MRAP: variants seen among roughly 807,000 people sequenced by gnomAD.
MRAP encodes the protein melanocortin-2 receptor accessory protein.
In MRAP, 8 loss-of-function variants were observed where a neutral mutation model predicts 8.7. The observed-to-expected ratio is 0.92, with a 90% CI of 0.54 to 1.66. MRAP has a LOEUF of 1.66. MRAP is among the 40% of genes most tolerant of loss of function. The pLI is 0.00. For synonymous variants in MRAP, 95 were observed against 95.5 expected, an observed-to-expected ratio of 1.00 and a Z score of 0.03; for missense variants, 237 against 217.1, an observed-to-expected ratio of 1.09 and a Z score of -0.58.
downstream of MRAP, chr21:32,312,333 T>C (rs775728860): frequency 8.9e-6 from 11 of 1,239,080 alleles, no homozygotes; most frequent in Non-Finnish European, 1.1e-5. Flanking sequence ...TTACCATTAC[T>C]GTGTAATGCG....
chr21:32,303,737 G>A (rs2032339493), intron 1 of MRAP, among the ~76,000 whole-genome samples: 1 of 152,242 alleles, frequency 6.6e-6, no homozygotes, highest in African/African-American at 2.4e-5. Context: ...TTCTGACACT[G>A]GAGAGTCACA....
chr21:32,302,944 T>C (rs1161661772), intron 1 of MRAP, among the ~76,000 whole-genome samples: 1 of 151,184 alleles, frequency 6.6e-6, no homozygotes, highest in Non-Finnish European at 1.5e-5. Flanking sequence ...AGGGCTGACC[T>C]TAGAGTTGAC....
At position 32,306,731 on chromosome 21, in the gene MRAP, G is replaced by C; in HGVS notation, c.198G>C (p.Pro66=). The C allele has an allele frequency of 6.2e-7, 1 of 1,613,824 alleles. No homozygotes were observed. The highest frequency in any genetic ancestry group is 8.5e-7 in the Non-Finnish European group (1 of 1,179,740). ...TCTACATGTCCTGGTCCGCCTCCCC[G>C]CAGATGAGGTGGGTAAGAAGGGGTG... ...ILLYMSWSAS[P]QMRNSPKHHQ... Residue 66 remains proline, a synonymous_variant, in exon 2 of 3, where the codon CCG becomes CCC. Transcript: ENST00000303645.
At chr21:32,314,264 AG>A (rs2032642020), downstream of MRAP, 1 of 371,636 alleles carries the variant, frequency 2.7e-6, no homozygotes, top group Admixed American at 3.8e-5. Context: ...AGCTCACTGT[AG>A]CCTCCACCTC....
chr21:32,303,070 C>T (rs1191200367), intron 1 of MRAP, among the ~76,000 whole-genome samples: 1 of 151,186 alleles, frequency 6.6e-6, no homozygotes, highest in East Asian at 1.9e-4. Context: ...ACCTCTGCCT[C>T]CCAAGTTCAA....
At chr21:32,306,476 G>A (rs1432426857) in intron 1 of MRAP, 164 bp from the exon 2 acceptor site, 6 of 691,394 alleles carry the variant, frequency 8.7e-6, no homozygotes. Context: ...CTTTCCCAAA[G>A]TTATTGTTAA....
intron 1 of MRAP, among the ~76,000 whole-genome samples, chr21:32,306,084 C>A (rs748975070): frequency 2.0e-5 from 3 of 152,174 alleles, no homozygotes; most frequent in Non-Finnish European, 4.4e-5. Context: ...TCCACCTTGC[C>A]GATCCAGGCA....
At chr21:32,307,926 CTA>C (rs2032459419) in intron 2 of MRAP, among the ~76,000 whole-genome samples, 1 of 152,152 alleles carries the variant, frequency 6.6e-6, no homozygotes, top group South Asian at 2.1e-4. Context: ...TTGCACAACT[CTA>C]TGGATGTACT....
intron 2 of MRAP, 136 bp downstream of exon 2, chr21:32,306,875 G>GT (rs1396117913): frequency 1.6e-5 from 12 of 757,484 alleles, no homozygotes; most frequent in Non-Finnish European, 2.8e-5. Flanking sequence ...TATTTGCATT[G>GT]TACCTACCAG....
chr21:32,298,911 C>G lies in MRAP; in HGVS notation c.-61C>G. On this transcript the variant is annotated 5_prime_UTR_variant, in exon 1 of 3. Coordinates refer to ENST00000303645, the MANE Select transcript of MRAP (RefSeq NM_001379228.1). Reference sequence around the variant, plus strand: ...CAGTGAGGCAGTCTCCTCCCAGGGGCTTGGCGCCTGGCTCGAGGCGAGGCT... The same window carrying G: ...CAGTGAGGCAGTCTCCTCCCAGGGGGTTGGCGCCTGGCTCGAGGCGAGGCT... 1 of 1,221,488 alleles carries G rather than the reference C, an allele frequency of 8.2e-7. No individual in the cohort carries two copies. The allele number at this position is 1,221,488 out of a possible 1,614,324, so 75.7% of individuals were successfully genotyped here. A position where few individuals can be genotyped will look rare whatever the true frequency, so the allele number is the denominator to read the frequency against.
chr21:32,308,716 G>A (rs970781489), intron 2 of MRAP: 1 of 152,942 alleles, frequency 6.5e-6, no homozygotes, highest in Admixed American at 6.5e-5. Flanking sequence ...CCTGGCAAAA[G>A]AGCTGGGACT....
At chr21:32,307,382 G>A (rs1000499054) in intron 2 of MRAP, among the ~76,000 whole-genome samples, 1 of 152,090 alleles carries the variant, frequency 6.6e-6, no homozygotes, top group Non-Finnish European at 1.5e-5. Flanking sequence ...CAAGTTACCA[G>A]CCTAGCCAAC....
At chr21:32,301,072 T>TATATATCATGATATATCGTATATGATATC (rs2032287760) in intron 1 of MRAP, among the ~76,000 whole-genome samples, 1 of 151,660 alleles carries the variant, frequency 6.6e-6, no homozygotes, top group African/African-American at 2.4e-5. Flanking sequence ...CATATATCCA[T>TATATATCATGATATATCGTATATGATATC]ATATATCATG....
At position 32,306,341 on chromosome 21, in the gene MRAP, G is replaced by A. The variant is rs80058147; in HGVS notation, c.107-299G>A. ...GTTCCTCTGAGCACCACTAGGAGCC[G>A]GGCAAGCAGATGCATGGGGTGGGGG... On this transcript the variant is annotated intron_variant, in intron 1 of 2. Transcript: ENST00000303645. 1,735 of 411,390 alleles carry A rather than the reference G, an allele frequency of 4.2e-3. 20 individuals are homozygous for A. The highest frequency in any genetic ancestry group is 0.03 in the African/African-American group (1,457 of 48,780). The allele number at this position is 411,390 out of a possible 1,614,324, so 25.5% of individuals were successfully genotyped here. A position where few individuals can be genotyped will look rare whatever the true frequency, so the allele number is the denominator to read the frequency against.
intron 1 of MRAP, among the ~76,000 whole-genome samples, chr21:32,300,763 A>AGGGGCGTCATGCGTCCTATGTC (rs2032265662): frequency 7.1e-6 from 1 of 140,688 alleles, no homozygotes; most frequent in Non-Finnish European, 1.5e-5. Context: ...GTCCTATGTC[A>AGGGGCGTCATGCGTCCTATGTC]GGGGCGTCAT....
chr21:32,302,920 G>A (rs937932586), intron 1 of MRAP, among the ~76,000 whole-genome samples: 3 of 151,614 alleles, frequency 2.0e-5, no homozygotes, highest in South Asian at 4.2e-4. Flanking sequence ...GTTCTATCAC[G>A]ACGGAAGCAC....
intron 1 of MRAP, among the ~76,000 whole-genome samples, chr21:32,299,547 T>C (rs768995756): frequency 1.1e-4 from 17 of 152,262 alleles, no homozygotes; most frequent in African/African-American, 4.1e-4. Context: ...CCCAGGCTGG[T>C]CTGGAACTCC....
Position 32,299,042 on chromosome 21 carries a change from T to C in MRAP, c.71T>C (p.Ile24Thr). The C allele has an allele frequency of 6.2e-7, 1 of 1,614,042 alleles. No individual in the cohort carries two copies. The highest frequency in any genetic ancestry group is 8.5e-7 in the Non-Finnish European group (1 of 1,179,904). Residue 24 changes from isoleucine to threonine, a missense_variant, in exon 1 of 3, where the codon ATT (isoleucine) becomes ACT (threonine). Ile to Thr is a moderately conservative substitution (Grantham distance 89). Coordinates refer to ENST00000303645, the MANE Select transcript of MRAP (RefSeq NM_001379228.1). ...YEYYLDYLDL[I>T]PVDEKKLKAH... ...TACTACCTGGACTATCTGGACCTCATTCCCGTGGACGAGAAGAAGCTGAAA... is the reference window on the plus strand; with the variant it reads ...TACTACCTGGACTATCTGGACCTCACTCCCGTGGACGAGAAGAAGCTGAAA...
At chr21:32,314,518 A>G, downstream of MRAP, 8 of 1,591,388 alleles carry the variant, frequency 5.0e-6, no homozygotes, top group South Asian at 1.1e-5. Flanking sequence ...CTTCGTTTTC[A>G]TAAAAAAAAT....
Sources: allele counts gnomAD v4.1 joint callset (sites outside exome capture counted in the v4.1 genomes callset), GRCh38; gene constraint gnomAD v4.1.1; transcripts MANE v1.5; gene names NCBI Gene and HGNC (gene_info 2026-07-23, HGNC 2026-07-21).